SULF1: variants seen among roughly 807,000 people sequenced by gnomAD.
SULF1 encodes the protein extracellular sulfatase Sulf-1.
A neutral mutation model predicts 110.5 loss-of-function variants in SULF1; 46 were observed. That is an observed-to-expected ratio of 0.42 (90% CI 0.33 to 0.53). The LOEUF (loss-of-function observed/expected upper bound fraction) is 0.53. Ranked by LOEUF, SULF1 falls within the 20% of genes least tolerant of loss-of-function variation. The pLI, the probability that SULF1 is intolerant of heterozygous loss-of-function variation, is 0.12. For missense variants in SULF1, 941 were observed against 1,094.2 expected (o/e 0.86, Z 1.98); for synonymous variants, 371 against 387.1 (o/e 0.96, Z 0.49).
intron 3 of SULF1, among the ~76,000 whole-genome samples, chr8:69,525,791 G>A (rs1267536056): frequency 3.9e-5 from 6 of 152,254 alleles, no homozygotes; most frequent in African/African-American, 1.4e-4. Flanking sequence ...TCCACTCTCA[G>A]GGAGCTTACA....
At chr8:69,611,426 G>T (rs542673095) in intron 13 of SULF1, among the ~76,000 whole-genome samples, 1 of 151,750 alleles carries the variant, frequency 6.6e-6, no homozygotes, top group Non-Finnish European at 1.5e-5. Flanking sequence ...TCTGTTTTCC[G>T]TCCCCCTCTC....
chr8:69,501,783 C>G (rs545460682), intron 2 of SULF1, 91 bp from the exon 3 acceptor site: 1 of 152,262 alleles, frequency 6.6e-6, no homozygotes, highest in South Asian at 2.1e-4. Context: ...ATGATCACCC[C>G]CTTTGAGGCT....
chr8:69,517,568 G>A (rs560534856), intron 3 of SULF1, among the ~76,000 whole-genome samples: 12 of 152,218 alleles, frequency 7.9e-5, no homozygotes, highest in African/African-American at 2.6e-4. Flanking sequence ...TTAAAAGGCA[G>A]GTAAATGGGT....
upstream of SULF1, chr8:69,492,649 T>C (rs1382270538): frequency 1.3e-5 from 2 of 152,262 alleles, no homozygotes; most frequent in African/African-American, 4.8e-5. Flanking sequence ...GAGGTTTGCA[T>C]GCACATATTC....
At chr8:69,554,884 T>C (rs1025337016) in intron 3 of SULF1, among the ~76,000 whole-genome samples, 3 of 140,918 alleles carry the variant, frequency 2.1e-5, no homozygotes, top group Admixed American at 7.9e-5. Context: ...GAGGCTGAGG[T>C]AGGAGAATGG....
At chr8:69,611,128 C>T (rs1808620162) in intron 13 of SULF1, among the ~76,000 whole-genome samples, 1 of 152,222 alleles carries the variant, frequency 6.6e-6, no homozygotes, top group African/African-American at 2.4e-5. Flanking sequence ...CTAACTCTGC[C>T]TCAGTTTCTT....
intron 13 of SULF1, among the ~76,000 whole-genome samples, chr8:69,619,269 A>G (rs1280631974): frequency 6.6e-6 from 1 of 152,204 alleles, no homozygotes; most frequent in African/African-American, 2.4e-5. Flanking sequence ...TGATAGACCT[A>G]TATGGAAAGG....
intron 3 of SULF1, among the ~76,000 whole-genome samples, chr8:69,548,814 C>T (rs1005512765): frequency 5.3e-5 from 8 of 151,988 alleles, no homozygotes; most frequent in African/African-American, 2.4e-5. Flanking sequence ...CAAAACAAAA[C>T]AGTGACATCA....
chr8:69,653,440 G>A (rs944271558), intron 22 of SULF1, among the ~76,000 whole-genome samples: 1 of 152,204 alleles, frequency 6.6e-6, no homozygotes, highest in African/African-American at 2.4e-5. Flanking sequence ...TATAAGAAAT[G>A]CAAATAAATA....
chr8:69,646,938 A>ATTTTTTTTTTTTTT (rs532105097), intron 22 of SULF1, among the ~76,000 whole-genome samples: 1 of 97,740 alleles, frequency 1.0e-5, no homozygotes, highest in Non-Finnish European at 2.0e-5. Context: ...GAGCCCTGGA[A>ATTTTTTTTTTTTTT]TTTTTTTTTT....
chr8:69,493,875 ATGCTCAC>A (rs1453218787), intron 1 of SULF1, among the ~76,000 whole-genome samples: 1 of 152,254 alleles, frequency 6.6e-6, no homozygotes, highest in Non-Finnish European at 1.5e-5. Flanking sequence ...CTCAGAGATT[ATGCTCAC>A]TGCTTTGAGA....
At chr8:69,586,144 A>G (rs1198558657) in intron 6 of SULF1, among the ~76,000 whole-genome samples, 3 of 152,184 alleles carry the variant, frequency 2.0e-5, no homozygotes, top group Non-Finnish European at 4.4e-5. Context: ...TAATCCATGT[A>G]CTTGGATACT....
At chr8:69,602,775 G>A (rs541939487) in intron 10 of SULF1, among the ~76,000 whole-genome samples, 4 of 152,314 alleles carry the variant, frequency 2.6e-5, no homozygotes, top group Admixed American at 2.0e-4. Flanking sequence ...AAGGCTTTAT[G>A]TTTTAAGGAC....
intron 3 of SULF1, among the ~76,000 whole-genome samples, chr8:69,521,722 T>C (rs568297285): frequency 2.0e-5 from 3 of 151,538 alleles, no homozygotes; most frequent in Admixed American, 1.3e-4. Flanking sequence ...TTTCTCCAGA[T>C]GAAAAGGAAG....
chr8:69,519,845 T>TA (rs1270410755), intron 3 of SULF1, among the ~76,000 whole-genome samples: 1 of 152,120 alleles, frequency 6.6e-6, no homozygotes, highest in African/African-American at 2.4e-5. Flanking sequence ...TTCTAATAAT[T>TA]AAAAAGTAGA....
chr8:69,563,050 A>G (rs1414943946), intron 3 of SULF1: 1 of 152,260 alleles, frequency 6.6e-6, no homozygotes, highest in Non-Finnish European at 1.5e-5. Flanking sequence ...TGTCAGCAGA[A>G]AAGACTCTCC....
intron 22 of SULF1, among the ~76,000 whole-genome samples, chr8:69,647,147 G>A (rs1811980995): frequency 6.6e-6 from 1 of 151,666 alleles, no homozygotes; most frequent in Non-Finnish European, 1.5e-5. Context: ...GTTTCACCAT[G>A]TTCGTCAGGC....
chr8:69,516,647 A>G (rs1586279726), intron 3 of SULF1, among the ~76,000 whole-genome samples: 1 of 152,184 alleles, frequency 6.6e-6, no homozygotes, highest in African/African-American at 2.4e-5. Flanking sequence ...TTTTTACTTT[A>G]TGTTTTCTTA....
In SULF1 at chr8:69,658,304, G is replaced by T. The variant is rs185453158; in HGVS notation, c.2586-201G>T. On this transcript the variant is annotated intron_variant, in intron 22 of 22. Coordinates refer to ENST00000402687, the MANE Select transcript of SULF1 (RefSeq NM_001128205.2). ...TAGTCATAGATGTTTTCACGAATGT[G>T]ATCTTTTTTTTCCCCAATTTTCTGT... Among the ~76,000 whole-genome samples the T allele has an allele frequency of 6.3e-4, 96 of 152,228 alleles. 2 individuals are homozygous for T. The East Asian group carries it at 0.017, about 27-fold the overall frequency.
Sources: allele counts gnomAD v4.1 joint callset (sites outside exome capture counted in the v4.1 genomes callset), GRCh38; gene constraint gnomAD v4.1.1; transcripts MANE v1.5; gene names NCBI Gene and HGNC (gene_info 2026-07-23, HGNC 2026-07-21).